ST3GAL2: variants seen among roughly 807,000 people sequenced by gnomAD.
ST3GAL2 encodes the protein ST3 beta-galactoside alpha-2,3-sialyltransferase 2.
Under a neutral mutation model 37.5 loss-of-function variants are expected in ST3GAL2, and 16 were observed. The ratio of observed to expected loss-of-function variants is 0.43; its 90% CI spans 0.29 to 0.65. The LOEUF (loss-of-function observed/expected upper bound fraction) is 0.65, where lower values mean the gene tolerates loss of function less well. ST3GAL2 is among the 30% of genes least tolerant of loss of function. The pLI, the probability that ST3GAL2 is intolerant of heterozygous loss-of-function variation, is 0.17. For missense variants in ST3GAL2, 383 were observed against 487.8 expected (o/e 0.79, Z 2.02); for synonymous variants, 238 against 202.9 (o/e 1.17, Z -1.47).
chr16:70,382,759 C>CCT (rs1567664460), intron 6 of ST3GAL2, 46 bp downstream of exon 6: 1 of 1,612,166 alleles, frequency 6.2e-7, no homozygotes. Flanking sequence ...GGCCTGCACT[C>CCT]CTCTGTTCCA....
chr16:70,396,660 G>C (rs1042939337), intron 2 of ST3GAL2, among the ~76,000 whole-genome samples: 4 of 152,168 alleles, frequency 2.6e-5, no homozygotes, highest in Non-Finnish European at 5.9e-5. Context: ...CCTGGTCCTC[G>C]GGCACTCTTG....
intron 1 of ST3GAL2, among the ~76,000 whole-genome samples, chr16:70,409,565 A>C (rs1352671698): frequency 1.3e-5 from 2 of 151,742 alleles, no homozygotes; most frequent in African/African-American, 4.8e-5. Context: ...CTGGTCTCGA[A>C]CTCCCAGCCT....
At chr16:70,391,949 A>G (rs989303348) in intron 3 of ST3GAL2, among the ~76,000 whole-genome samples, 6 of 152,190 alleles carry the variant, frequency 3.9e-5, no homozygotes, top group Admixed American at 3.9e-4. Flanking sequence ...TCATCTCACC[A>G]GAGATGGTGA....
At chr16:70,402,728 C>A (rs1228186634) in intron 1 of ST3GAL2, among the ~76,000 whole-genome samples, 2 of 152,186 alleles carry the variant, frequency 1.3e-5, no homozygotes, top group South Asian at 2.1e-4. Flanking sequence ...TGGCTCACTG[C>A]AGCCTCCGCC....
chr16:70,395,206 G>T, intron 2 of ST3GAL2, 31 bp from the exon 3 acceptor site: 1 of 1,582,524 alleles, frequency 6.3e-7, no homozygotes, highest in Non-Finnish European at 8.6e-7. Flanking sequence ...TGGGAAACGA[G>T]GAAGGGGAGA....
intron 2 of ST3GAL2, among the ~76,000 whole-genome samples, chr16:70,396,422 G>A (rs1597561154): frequency 6.6e-6 from 1 of 152,014 alleles, no homozygotes; most frequent in African/African-American, 2.4e-5. Flanking sequence ...TGTAGAGGGA[G>A]CTTGGCTCCA....
Position 70,381,647 on chromosome 16 carries a change from G to C in ST3GAL2, c.*42C>G, listed in dbSNP as rs2047406002. On this transcript the variant is annotated 3_prime_UTR_variant, in exon 7 of 7. Coordinates refer to ENST00000342907, the MANE Select transcript of ST3GAL2 (RefSeq NM_006927.4). ...TCCTGGGTCCCGGGCCGGAGCCCCG[G>C]TGCCCGATAGATGGGCCGGAAGGGT... 6.2e-7 allele frequency: 1 copy of C among 1,601,078 alleles called. No individual in the cohort carries two copies. The highest frequency in any genetic ancestry group is 1.3e-5 in the African/African-American group (1 of 74,692).
intron 3 of ST3GAL2, 114 bp from the exon 4 acceptor site, chr16:70,388,660 C>T: frequency 4.3e-6 from 5 of 1,162,784 alleles, no homozygotes; most frequent in Non-Finnish European, 6.0e-6. Flanking sequence ...ATACTCCAAC[C>T]TAGCAATTCC....
intron 1 of ST3GAL2, among the ~76,000 whole-genome samples, chr16:70,408,503 G>A (rs768940647): frequency 1.3e-5 from 2 of 152,030 alleles, no homozygotes; most frequent in African/African-American, 4.8e-5. Flanking sequence ...CTGAGAATGG[G>A]CCGCTTCACC....
chr16:70,406,225 C>T (rs1158436960), intron 1 of ST3GAL2, among the ~76,000 whole-genome samples: 9 of 152,146 alleles, frequency 5.9e-5, no homozygotes, highest in Admixed American at 2.0e-4. Flanking sequence ...GGGCAGATCA[C>T]CTGGGGTCAG....
intron 1 of ST3GAL2, among the ~76,000 whole-genome samples, chr16:70,435,823 A>G (rs1263124415): frequency 6.6e-6 from 1 of 151,038 alleles, no homozygotes; most frequent in African/African-American, 2.4e-5. Context: ...ATAAAATAAA[A>G]TAAAATAAAA....
intron 1 of ST3GAL2, chr16:70,400,123 G>A (rs2047545455): frequency 6.6e-6 from 1 of 152,478 alleles, no homozygotes; most frequent in African/African-American, 2.4e-5. Context: ...GCTTGGTCCT[G>A]CCCCCGGACA....
chr16:70,382,563 C>G (rs1266738789), intron 6 of ST3GAL2, among the ~76,000 whole-genome samples: 1 of 152,158 alleles, frequency 6.6e-6, no homozygotes, highest in Non-Finnish European at 1.5e-5. Context: ...GGATTACAGG[C>G]GTCAGCCACC....
In ST3GAL2 at chr16:70,398,545, G is replaced by A. The variant is rs1470963735; in HGVS notation, c.-15C>T. The A allele has an allele frequency of 1.3e-6, 2 of 1,575,044 alleles. No homozygotes were observed. The highest frequency in any genetic ancestry group is 1.7e-6 in the Non-Finnish European group (2 of 1,162,146). ...GAGCACTTCATGGTGCCGGCAGGCG[G>A]GTGACGGTCACCGTGGCCACTCTTT... On this transcript the variant is annotated 5_prime_UTR_variant, in exon 2 of 7. Coordinates refer to ENST00000342907, the MANE Select transcript of ST3GAL2 (RefSeq NM_006927.4).
At position 70,398,379 on chromosome 16, in the gene ST3GAL2, A is replaced by C; in HGVS notation, c.152T>G (p.Val51Gly). ...ALDGTHRVKL[V>G]PGYAGLQRLS... Reference sequence around the variant, plus strand: ...GCGCTGCAGGCCGGCATAGCCGGGCACCAGCTTCACCCGGTGCGTCCCATC... The same window carrying C: ...GCGCTGCAGGCCGGCATAGCCGGGCCCCAGCTTCACCCGGTGCGTCCCATC... Residue 51 changes from valine (V) to glycine (G), a missense_variant, in exon 2 of 7, where the codon GTG (valine) becomes GGG (glycine). Physicochemically the swap from Val to Gly is moderately radical, Grantham distance 109. Around this residue, in one of 2 missense-constraint regions of ST3GAL2, gnomAD observed 223 missense variants for 239.1 expected, o/e 0.93. Coordinates refer to ENST00000342907, the MANE Select transcript of ST3GAL2 (RefSeq NM_006927.4). 1 of 1,613,538 alleles carries C rather than the reference A, an allele frequency of 6.2e-7. No individual in the cohort carries two copies. Among genetic ancestry groups the C allele is most frequent in the Non-Finnish European group, 8.5e-7 (1 of 1,180,006 alleles).
In ST3GAL2 at chr16:70,378,403, C is replaced by CAAAAAAA. The variant is rs59855741; in HGVS notation, c.*3279_*3285dup. On this transcript the variant is annotated 3_prime_UTR_variant, in exon 7 of 7. Coordinates refer to ENST00000342907, the MANE Select transcript of ST3GAL2 (RefSeq NM_006927.4). ...TGGGTGACAGAGCAAGACTCCATCT[C>CAAAAAAA]AAAAAAAAAAAAAAAAAAAAGCCAG... 51 of 39,062 alleles carry CAAAAAAA rather than the reference C, an allele frequency of 1.3e-3. No individual in the cohort carries two copies. Among genetic ancestry groups the CAAAAAAA allele is most frequent in the African/African-American group, 4.6e-3 (45 of 9,722 alleles). The allele number at this position is 39,062 out of a possible 1,614,324, so 2.4% of individuals were successfully genotyped here.
At chr16:70,387,810 A>G (rs970075118) in intron 4 of ST3GAL2, among the ~76,000 whole-genome samples, 1 of 152,076 alleles carries the variant, frequency 6.6e-6, no homozygotes, top group Non-Finnish European at 1.5e-5. Context: ...TCACCCAGAA[A>G]GGAGACCAAA....
chr16:70,387,626 G>A (rs2047452009), intron 4 of ST3GAL2, among the ~76,000 whole-genome samples: 2 of 152,036 alleles, frequency 1.3e-5, no homozygotes, highest in South Asian at 4.2e-4. Context: ...TATATAAGAA[G>A]TTACTGGATT....
chr16:70,410,728 A>G (rs1487053366), intron 1 of ST3GAL2, among the ~76,000 whole-genome samples: 2 of 149,648 alleles, frequency 1.3e-5, no homozygotes, highest in Admixed American at 6.7e-5. Context: ...AAAATTCTCT[A>G]TTCTTATTCT....
Sources: gnomAD v4.1 joint callset for allele counts (sites outside exome capture counted in the v4.1 genomes callset) on GRCh38, gnomAD v4.1.1 for gene constraint, gnomAD v4.1.1 regional missense constraint, MANE v1.5 for transcripts, NCBI Gene and HGNC (gene_info 2026-07-23, HGNC 2026-07-21) for gene names.